Variants in LRFN2 observed in about 807,000 individuals in gnomAD.
LRFN2 encodes the protein leucine-rich repeat and fibronectin type-III domain-containing protein 2.
In LRFN2, 18 loss-of-function variants were observed where a neutral mutation model predicts 37.3. The observed-to-expected ratio is 0.48, with a 90% CI of 0.33 to 0.72. The LOEUF is 0.72. Among genes scored for constraint, LRFN2 ranks in the 30% least tolerant of loss-of-function variants. The probability of loss-of-function intolerance (pLI) is 0.02; values close to 1 mark genes in which losing one functional copy is unlikely to be tolerated. For synonymous variants in LRFN2, 556 were observed against 466.6 expected (o/e 1.19, Z -2.47); for missense variants, 1,006 against 1,060.7 (o/e 0.95, Z 0.72).
chr6:40,421,272 A>T (rs963910396), intron 2 of LRFN2, among the ~76,000 whole-genome samples: 1 of 152,200 alleles, frequency 6.6e-6, no homozygotes, highest in Non-Finnish European at 1.5e-5. Context: ...GTCTCAATCC[A>T]TTTAGAAAGT....
intron 2 of LRFN2, among the ~76,000 whole-genome samples, chr6:40,430,087 A>G (rs972142205): frequency 6.6e-6 from 1 of 152,200 alleles, no homozygotes; most frequent in African/African-American, 2.4e-5. Flanking sequence ...ATATATGCAT[A>G]TTTAAGTTTG....
At chr6:40,559,197 G>T (rs1043503115) in intron 1 of LRFN2, among the ~76,000 whole-genome samples, 1 of 152,076 alleles carries the variant, frequency 6.6e-6, no homozygotes, top group Non-Finnish European at 1.5e-5. Context: ...GGAGACAGTG[G>T]GCCTGATGGG....
At chr6:40,474,124 A>C (rs543690014) in intron 1 of LRFN2, among the ~76,000 whole-genome samples, 21 of 152,258 alleles carry the variant, frequency 1.4e-4, no homozygotes, top group South Asian at 6.2e-4. Flanking sequence ...GCACCTTCTC[A>C]GGTAAGTCGA....
rs572898773 is a variant in LRFN2, at chr6:40,566,582, T to C, written c.-19+20359A>G. Among the ~76,000 whole-genome samples, 49 of 151,756 alleles carry C rather than the reference T, an allele frequency of 3.2e-4. No individual in the cohort carries two copies. In the East Asian group the frequency reaches 8.7e-3, roughly 27 times the overall value. ...AAAAATGATGAGTTCATGTCCTTTG[T>C]AGGGACATGGATGAAGCTGGAAACC... On this transcript the variant is annotated intron_variant, in intron 1 of 2. Coordinates refer to ENST00000338305, the MANE Select transcript of LRFN2 (RefSeq NM_020737.3).
intron 2 of LRFN2, among the ~76,000 whole-genome samples, chr6:40,399,767 G>A (rs1365559794): frequency 6.6e-6 from 1 of 151,818 alleles, no homozygotes; most frequent in Non-Finnish European, 1.5e-5. Context: ...GACCTAAAAT[G>A]TTCTTTTATT....
chr6:40,522,464 T>C (rs1766107858), intron 1 of LRFN2, among the ~76,000 whole-genome samples: 1 of 152,204 alleles, frequency 6.6e-6, no homozygotes, highest in Non-Finnish European at 1.5e-5. Flanking sequence ...AGGGTGTGGA[T>C]TCCTGGGGGA....
chr6:40,502,569 A>G (rs1765412988), intron 1 of LRFN2, among the ~76,000 whole-genome samples: 1 of 152,134 alleles, frequency 6.6e-6, no homozygotes, highest in Admixed American at 6.5e-5. Flanking sequence ...TCCTGGAACG[A>G]TGGGGAATTG....
At chr6:40,463,000 TAGGAAGTGTCCTTAA>T (rs1465355385) in intron 1 of LRFN2, among the ~76,000 whole-genome samples, 5 of 152,216 alleles carry the variant, frequency 3.3e-5, no homozygotes, top group African/African-American at 7.2e-5. Context: ...AGACAACTTC[TAGGAAGTGTCCTTAA>T]AGGAAGGGTT....
intron 1 of LRFN2, among the ~76,000 whole-genome samples, chr6:40,479,272 A>T (rs753564550): frequency 6.6e-6 from 1 of 152,174 alleles, no homozygotes; most frequent in African/African-American, 2.4e-5. Context: ...TTGCCAAAGC[A>T]CACTTGGGGA....
chr6:40,487,711 G>A (rs1227048381), intron 1 of LRFN2, among the ~76,000 whole-genome samples: 1 of 152,210 alleles, frequency 6.6e-6, no homozygotes, highest in African/African-American at 2.4e-5. Flanking sequence ...GCTAGGATTT[G>A]GAAGTGTAAA....
At chr6:40,499,208 TG>T (rs1207958900) in intron 1 of LRFN2, among the ~76,000 whole-genome samples, 1 of 152,008 alleles carries the variant, frequency 6.6e-6, no homozygotes, top group Admixed American at 6.6e-5. Flanking sequence ...ATTGGGCCCA[TG>T]GAATAGTTGA....
At chr6:40,483,281 C>T (rs959356914) in intron 1 of LRFN2, among the ~76,000 whole-genome samples, 1 of 152,260 alleles carries the variant, frequency 6.6e-6, no homozygotes. Flanking sequence ...CTCCCTTCTA[C>T]CATCTTCTCT....
rs146661590 is a variant in LRFN2 at position 40,453,101 on chromosome 6, G to A, written c.-18-19970C>T. Among the ~76,000 whole-genome samples, 1,286 of 152,252 alleles carry A rather than the reference G, an allele frequency of 8.4e-3. 24 individuals are homozygous for A. The highest frequency in any genetic ancestry group is 0.029 in the African/African-American group (1,220 of 41,532). On this transcript the variant is annotated intron_variant, in intron 1 of 2. Coordinates refer to ENST00000338305, the MANE Select transcript of LRFN2 (RefSeq NM_020737.3). ...GCACCCTGCTTCAGGCTACAGAAGG[G>A]TCCTGATCACTATTGCAGGTAGAGA... is the stretch of plus-strand genomic sequence containing the variant.
chr6:40,584,202 C>T (rs931253879), intron 1 of LRFN2, among the ~76,000 whole-genome samples: 2 of 152,204 alleles, frequency 1.3e-5, no homozygotes, highest in Non-Finnish European at 2.9e-5. Context: ...AGAACTCTCT[C>T]TCCCTTCCAA....
At chr6:40,576,695 G>A (rs1581802736) in intron 1 of LRFN2, among the ~76,000 whole-genome samples, 1 of 152,172 alleles carries the variant, frequency 6.6e-6, no homozygotes, top group African/African-American at 2.4e-5. Flanking sequence ...AGCCCTAGAA[G>A]GAGCTCAGGG....
intron 2 of LRFN2, among the ~76,000 whole-genome samples, chr6:40,418,373 C>A: frequency 6.6e-6 from 1 of 152,104 alleles, no homozygotes; most frequent in East Asian, 1.9e-4. Flanking sequence ...CATTTTTGAA[C>A]TTTTCATCTC....
intron 1 of LRFN2, among the ~76,000 whole-genome samples, chr6:40,453,694 G>C (rs547192875): frequency 3.3e-5 from 5 of 152,182 alleles, no homozygotes; most frequent in African/African-American, 9.6e-5. Context: ...ATCAGGACTG[G>C]GTGATATGCA....
At chr6:40,511,915 G>C in intron 1 of LRFN2, among the ~76,000 whole-genome samples, 1 of 152,244 alleles carries the variant, frequency 6.6e-6, no homozygotes, top group Non-Finnish European at 1.5e-5. Flanking sequence ...ACCAAAGGAT[G>C]CTCAGGTGGA....
chr6:40,577,513 A>G (rs1412879529), intron 1 of LRFN2, among the ~76,000 whole-genome samples: 3 of 151,058 alleles, frequency 2.0e-5, no homozygotes, highest in Admixed American at 1.3e-4. Context: ...TACATGTGCC[A>G]TGCTGGTGCG....
Sources: gnomAD v4.1 joint callset for allele counts (sites outside exome capture counted in the v4.1 genomes callset) on GRCh38, gnomAD v4.1.1 for gene constraint, MANE v1.5 for transcripts, NCBI Gene and HGNC (gene_info 2026-07-23, HGNC 2026-07-21) for gene names.